The following CDO1 variants were observed in gnomAD, a reference collection of about 807,000 sequenced individuals.
CDO1 encodes the protein cysteine dioxygenase, type I.
Under a neutral mutation model 24.5 loss-of-function variants are expected in CDO1, and 19 were observed. The ratio of observed to expected loss-of-function variants is 0.77; its 90% CI spans 0.54 to 1.14. The LOEUF is 1.14. Among genes scored for constraint, CDO1 ranks in the 50% most tolerant of loss-of-function variants. The pLI, the probability that CDO1 is intolerant of heterozygous loss-of-function variation, is 0.00. For synonymous variants in CDO1, 91 were observed against 87.0 expected (o/e 1.05, Z -0.26); for missense variants, 244 against 244.8 (o/e 1.00, Z 0.02).
At chr5:115,812,541 C>A (rs1349784004) in intron 2 of CDO1, among the ~76,000 whole-genome samples, 1 of 152,202 alleles carries the variant, frequency 6.6e-6, no homozygotes, top group African/African-American at 2.4e-5. Flanking sequence ...TTACACACCT[C>A]AAACACCACA....
rs775393152 is a variant in CDO1 at position 115,816,417 on chromosome 5, G to C, written c.-20C>G. On this transcript the variant is annotated 5_prime_UTR_variant, in exon 1 of 5. Transcript: ENST00000250535. ...TTCCATCTCGTGGGGAGCTGGCTGC[G>C]CGCGCGTCTCACTGCTGGGCTGCGG... 6.2e-7 allele frequency: 1 copy of C among 1,609,864 alleles called. No homozygotes were observed. The highest frequency in any genetic ancestry group is 8.5e-7 in the Non-Finnish European group (1 of 1,179,592).
At chr5:115,813,114 G>T in intron 2 of CDO1, 67 bp downstream of exon 2, 1 of 854,948 alleles carries the variant, frequency 1.2e-6, no homozygotes, top group Non-Finnish European at 2.0e-6. Context: ...GGCTAGCCTG[G>T]TACTATATTT....
chr5:115,810,679 A>T (rs1346907634), intron 3 of CDO1, among the ~76,000 whole-genome samples: 2 of 152,236 alleles, frequency 1.3e-5, no homozygotes, highest in African/African-American at 4.8e-5. Flanking sequence ...AAAGATAAGG[A>T]ATTCTTGGTA....
intron 3 of CDO1, among the ~76,000 whole-genome samples, chr5:115,808,068 C>T (rs1760026948): frequency 6.6e-6 from 1 of 152,176 alleles, no homozygotes; most frequent in Non-Finnish European, 1.5e-5. Flanking sequence ...TAGCCTCCAC[C>T]TCCCGGGCTC....
chr5:115,816,278 G>C lies in CDO1; in HGVS notation c.120C>G (p.Tyr40Ter). Residue 40 changes from tyrosine (Y) to a stop codon, truncating the protein, a stop_gained, in exon 1 of 5, where the codon TAC becomes TAG. Transcript: ENST00000250535. LOFTEE classifies it high-confidence loss of function. ...VEEVQAIMEA[Y>*]ESDPTEWAMY... ...TTGCCCACTCGGTGGGGTCGCTCTC[G>C]TAGGCTTCCATGATGGCCTGCACCT... 1 of 1,614,138 alleles carries C rather than the reference G, an allele frequency of 6.2e-7. No homozygotes were observed. The highest frequency in any genetic ancestry group is 8.5e-7 in the Non-Finnish European group (1 of 1,180,030).
chr5:115,814,694 AAGATT>A (rs1420387441), intron 1 of CDO1, among the ~76,000 whole-genome samples: 1 of 152,192 alleles, frequency 6.6e-6, no homozygotes, highest in African/African-American at 2.4e-5. Flanking sequence ...ACTTGTTCTA[AAGATT>A]AAAGATTAAA....
At chr5:115,814,107 TTC>T (rs1227589429) in intron 1 of CDO1, among the ~76,000 whole-genome samples, 1 of 151,430 alleles carries the variant, frequency 6.6e-6, no homozygotes, top group African/African-American at 2.5e-5. Flanking sequence ...GGAGTTTTTT[TTC>T]CCTTCGTCAT....
At chr5:115,807,979 AAAAAAAAC>A (rs1164870051) in intron 3 of CDO1, among the ~76,000 whole-genome samples, 2 of 145,468 alleles carry the variant, frequency 1.4e-5, no homozygotes, top group African/African-American at 5.7e-5. Flanking sequence ...GGTTTTTTTA[AAAAAAAAC>A]AAAAAAAACA....
chr5:115,812,407 A>G (rs1760228610), intron 2 of CDO1, among the ~76,000 whole-genome samples: 1 of 152,254 alleles, frequency 6.6e-6, no homozygotes, highest in Non-Finnish European at 1.5e-5. Context: ...TCAAAGAATC[A>G]GTATAAGTTG....
chr5:115,808,242 G>A (rs1038909153), intron 3 of CDO1, among the ~76,000 whole-genome samples: 3 of 152,088 alleles, frequency 2.0e-5, no homozygotes, highest in African/African-American at 7.2e-5. Flanking sequence ...GCCTCCCAAA[G>A]TGCTGGGATT....
chr5:115,806,376 A>G lies in CDO1; in HGVS notation c.546T>C (p.His182=). 6.2e-7 allele frequency: 1 copy of G among 1,604,510 alleles called. No individual in the cohort carries two copies. The highest frequency in any genetic ancestry group is 8.5e-7 in the Non-Finnish European group (1 of 1,177,510). ...TTGGAGTTCTGATTCCAAATTTACTATGGAATGTCATTGTGACTTTGTTTT... is the reference window on the plus strand; with the variant it reads ...TTGGAGTTCTGATTCCAAATTTACTGTGGAATGTCATTGTGACTTTGTTTT... ...GHKNKVTMTF[H]SKFGIRTPNA... is the part of the protein sequence containing the mutation. Residue 182 remains histidine, a synonymous_variant, in exon 4 of 5, where the codon CAT becomes CAC. Coordinates refer to ENST00000250535, the MANE Select transcript of CDO1 (RefSeq NM_001801.3).
intron 3 of CDO1, among the ~76,000 whole-genome samples, chr5:115,809,973 G>T (rs975127871): frequency 6.6e-6 from 1 of 152,092 alleles, no homozygotes; most frequent in African/African-American, 2.4e-5. Context: ...TATCTGTTGA[G>T]ATTCTATAGG....
chr5:115,808,844 A>G (rs1434131125), intron 3 of CDO1, among the ~76,000 whole-genome samples: 2 of 152,226 alleles, frequency 1.3e-5, no homozygotes, highest in Non-Finnish European at 2.9e-5. Context: ...ATTTAGCATA[A>G]CTAATGTAGG....
intron 3 of CDO1, among the ~76,000 whole-genome samples, chr5:115,808,016 G>T (rs1257754097): frequency 1.3e-5 from 2 of 152,066 alleles, no homozygotes; most frequent in Non-Finnish European, 2.9e-5. Context: ...GTCTCATTCT[G>T]CTGTCCATGC....
Position 115,805,326 on chromosome 5 carries a change from T to C in CDO1, c.*107A>G, listed in dbSNP as rs545300587. ...ATCTGCCTTACAGTAGATCTAAGTA[T>C]TGGCTTATTTAAGTATATTACTGGA... On this transcript the variant is annotated 3_prime_UTR_variant, in exon 5 of 5. Transcript: ENST00000250535. 10 of 919,346 alleles carry C rather than the reference T, an allele frequency of 1.1e-5. 1 individual carries two copies. In the South Asian group the frequency reaches 1.4e-4, roughly 12 times the overall value. The allele number at this position is 919,346 out of a possible 1,614,324, so 56.9% of individuals were successfully genotyped here. A position where few individuals can be genotyped will look rare whatever the true frequency, so the allele number is the denominator to read the frequency against.
chr5:115,813,354 T>C (rs1580545198), intron 1 of CDO1, 96 bp from the exon 2 acceptor site: 2 of 679,456 alleles, frequency 2.9e-6, no homozygotes, highest in Non-Finnish European at 5.3e-6. Context: ...TATTCACAAA[T>C]GTTAACATTT....
chr5:115,812,555 G>A (rs991165408), intron 2 of CDO1, among the ~76,000 whole-genome samples: 2 of 152,150 alleles, frequency 1.3e-5, no homozygotes, highest in African/African-American at 4.8e-5. Context: ...CACCACAAAT[G>A]TCAAGTGTAA....
rs145340435 is a variant in CDO1 at position 115,807,504 on chromosome 5, G to A, written c.404-986C>T. ...AACCTGCAACAGAGACTACTCAGGG[G>A]AAGTGTTCAAAAACCTATCATTAAT... On this transcript the variant is annotated intron_variant, in intron 3 of 4. Coordinates refer to ENST00000250535, the MANE Select transcript of CDO1 (RefSeq NM_001801.3). Among the ~76,000 whole-genome samples, 1,116 of 152,206 alleles carry A rather than the reference G, an allele frequency of 7.3e-3. 4 individuals are homozygous for A. The highest frequency in any genetic ancestry group is 0.011 in the Non-Finnish European group (741 of 67,998).
intron 3 of CDO1, among the ~76,000 whole-genome samples, chr5:115,810,269 T>A (rs560320121): frequency 6.6e-6 from 1 of 152,232 alleles, no homozygotes; most frequent in South Asian, 2.1e-4. Flanking sequence ...AGCGACAACT[T>A]CCCATACAAT....
Sources: gnomAD v4.1 joint callset for allele counts (sites outside exome capture counted in the v4.1 genomes callset) on GRCh38, gnomAD v4.1.1 for gene constraint, MANE v1.5 for transcripts, NCBI Gene and HGNC (gene_info 2026-07-23, HGNC 2026-07-21) for gene names.